WWOX: variants seen among roughly 807,000 people sequenced by gnomAD.
The protein encoded by WWOX is WW domain-containing oxidoreductase.
Under a neutral mutation model 46.2 loss-of-function variants are expected in WWOX, and 69 were observed. The observed-to-expected ratio is 1.49, with a 90% CI of 1.23 to 1.82. The LOEUF (loss-of-function observed/expected upper bound fraction) is 1.82. Ranked by LOEUF, WWOX falls within the 40% of genes most tolerant of loss-of-function variation. The pLI is 0.00. For synonymous variants in WWOX, 359 were observed against 202.6 expected (o/e 1.77, Z -6.56); for missense variants, 919 against 542.6 (o/e 1.69, Z -6.89).
chr16:78,261,776 CTATCTATCTATCTATATATATATATATA>C (rs1314570777), intron 5 of WWOX, among the ~76,000 whole-genome samples: 14 of 38,372 alleles, frequency 3.6e-4, no homozygotes, highest in African/African-American at 2.5e-3. Flanking sequence ...ATCTATGTAT[CTATCTATCTATCTATATATATATATATA>C]TATATATATA....
chr16:78,187,065 T>C (rs2035733525), intron 5 of WWOX, among the ~76,000 whole-genome samples: 1 of 152,222 alleles, frequency 6.6e-6, no homozygotes, highest in Non-Finnish European at 1.5e-5. Flanking sequence ...TTTACCAACA[T>C]CATAGTCAGG....
rs377288644 is a variant in WWOX at position 78,374,452 on chromosome 16, C to T, written c.517-12408C>T. Among the ~76,000 whole-genome samples, 129 of 150,896 alleles carry T rather than the reference C, an allele frequency of 8.5e-4. No individual in the cohort carries two copies. In the Middle Eastern group the frequency reaches 0.017, roughly 20 times the overall value. ...TTGGTCCTGTAGCTACTCCAAATGA[C>T]GCACAAAATTTGGCTAAACTGATGA... On this transcript the variant is annotated intron_variant, in intron 5 of 8. Transcript: ENST00000566780.
intron 8 of WWOX, among the ~76,000 whole-genome samples, chr16:78,791,041 A>AAAC (rs2050584831): frequency 6.7e-6 from 1 of 149,636 alleles, no homozygotes; most frequent in Non-Finnish European, 1.5e-5. Context: ...AAAAAAAAAA[A>AAAC]GTGAAAAAAA....
chr16:78,977,531 G>C (rs2046596803), intron 8 of WWOX, among the ~76,000 whole-genome samples: 1 of 152,140 alleles, frequency 6.6e-6, no homozygotes, highest in Non-Finnish European at 1.5e-5. Flanking sequence ...CTCTCTGCAT[G>C]TGTCCTTGTC....
At chr16:78,310,126 T>C (rs547703150) in intron 5 of WWOX, among the ~76,000 whole-genome samples, 3 of 152,140 alleles carry the variant, frequency 2.0e-5, no homozygotes, top group Non-Finnish European at 4.4e-5. Flanking sequence ...CCCATTGTTT[T>C]AAACCCATCT....
At chr16:78,528,426 C>A (rs2043535684) in intron 8 of WWOX, among the ~76,000 whole-genome samples, 1 of 151,836 alleles carries the variant, frequency 6.6e-6, no homozygotes, top group Admixed American at 6.6e-5. Context: ...CAGAAAGTGG[C>A]TCGTATTCAA....
intron 8 of WWOX, among the ~76,000 whole-genome samples, chr16:78,981,262 T>G (rs2046675675): frequency 6.6e-6 from 1 of 152,118 alleles, no homozygotes; most frequent in South Asian, 2.1e-4. Flanking sequence ...TTAGGATTTC[T>G]CTGCGCTGGC....
Position 78,927,334 on chromosome 16 carries a change from G to A in WWOX, c.1057-284274G>A, listed in dbSNP as rs148338586. On this transcript the variant is annotated intron_variant, in intron 8 of 8. Coordinates refer to ENST00000566780, the MANE Select transcript of WWOX (RefSeq NM_016373.4). The stretch of plus-strand genomic sequence containing the variant: ...CCACTGTTTATCCTGGTGACCTTAG[G>A]CAAGTCATTTAATTTCCTTGAGTTT... Among the ~76,000 whole-genome samples the A allele has an allele frequency of 1.5e-3, 232 of 152,308 alleles. 8 individuals are homozygous for A. In the East Asian group the frequency reaches 0.038, roughly 25 times the overall value.
intron 8 of WWOX, among the ~76,000 whole-genome samples, chr16:78,695,892 C>T (rs2048088231): frequency 6.6e-6 from 1 of 152,138 alleles, no homozygotes; most frequent in African/African-American, 2.4e-5. Flanking sequence ...TGAATTAGAC[C>T]AGGGGTTCTC....
intron 5 of WWOX, among the ~76,000 whole-genome samples, chr16:78,332,347 A>G (rs1236855942): frequency 6.6e-6 from 1 of 152,220 alleles, no homozygotes; most frequent in Non-Finnish European, 1.5e-5. Context: ...ACCCCAGTGG[A>G]TTATGAGTGC....
chr16:78,522,077 A>C (rs2043359920), intron 8 of WWOX, among the ~76,000 whole-genome samples: 1 of 151,832 alleles, frequency 6.6e-6, no homozygotes, highest in Non-Finnish European at 1.5e-5. Context: ...GTCTGTCTAC[A>C]TCCACAGCCT....
At chr16:79,011,065 A>G (rs1004534569) in intron 8 of WWOX, among the ~76,000 whole-genome samples, 4 of 151,986 alleles carry the variant, frequency 2.6e-5, no homozygotes, top group African/African-American at 7.3e-5. Flanking sequence ...TATGATAAGT[A>G]TACCTTTATA....
chr16:79,058,083 C>A (rs181021386), intron 8 of WWOX, among the ~76,000 whole-genome samples: 1 of 147,712 alleles, frequency 6.8e-6, no homozygotes, highest in Non-Finnish European at 1.5e-5. Flanking sequence ...TGAGCTTAGC[C>A]AGAGTAGGAG....
At chr16:78,282,470 A>G (rs1230958891) in intron 5 of WWOX, among the ~76,000 whole-genome samples, 2 of 152,132 alleles carry the variant, frequency 1.3e-5, no homozygotes, top group Admixed American at 1.3e-4. Flanking sequence ...TCTCATTGAT[A>G]CCTGCCTTGC....
chr16:78,322,633 C>A (rs1466725876), intron 5 of WWOX, among the ~76,000 whole-genome samples: 1 of 152,248 alleles, frequency 6.6e-6, no homozygotes, highest in Non-Finnish European at 1.5e-5. Context: ...AGCAACTCTT[C>A]ATCACCAGGT....
intron 8 of WWOX, among the ~76,000 whole-genome samples, chr16:78,999,064 G>T (rs570954388): frequency 6.6e-6 from 1 of 152,184 alleles, no homozygotes; most frequent in Admixed American, 6.5e-5. Flanking sequence ...AAATATTCCG[G>T]ACGTGGAAAT....
chr16:78,305,527 G>T (rs539068435), intron 5 of WWOX, among the ~76,000 whole-genome samples: 1 of 151,990 alleles, frequency 6.6e-6, no homozygotes, highest in Non-Finnish European at 1.5e-5. Context: ...GGAAGTTAAA[G>T]CCCAGATCCC....
chr16:78,983,865 C>G (rs888967166), intron 8 of WWOX, among the ~76,000 whole-genome samples: 3 of 83,488 alleles, frequency 3.6e-5, no homozygotes, highest in Non-Finnish European at 5.5e-5. Context: ...GTTATGAGAG[C>G]TATTCTTTTT....
chr16:78,472,180 C>T (rs995275686), intron 8 of WWOX, among the ~76,000 whole-genome samples: 7 of 151,996 alleles, frequency 4.6e-5, no homozygotes, highest in African/African-American at 4.8e-5. Flanking sequence ...CAAATTAAAA[C>T]CCCAACCACC....
Sources: allele counts gnomAD v4.1 joint callset (sites outside exome capture counted in the v4.1 genomes callset), GRCh38; gene constraint gnomAD v4.1.1; transcripts MANE v1.5; gene names NCBI Gene and HGNC (gene_info 2026-07-23, HGNC 2026-07-21).